Variants in YTHDF3 observed in about 807,000 individuals in gnomAD.
The protein encoded by YTHDF3 is YTH N6-methyladenosine RNA binding protein F3, also known as YTH domain-containing family protein 3.
Under a neutral mutation model 52.5 loss-of-function variants are expected in YTHDF3, and 9 were observed. The observed-to-expected ratio is 0.17, with a 90% CI of 0.10 to 0.30. The LOEUF (loss-of-function observed/expected upper bound fraction) is 0.30, where lower values mean the gene tolerates loss of function less well. Ranked by LOEUF, YTHDF3 falls within the 10% of genes least tolerant of loss-of-function variation. The pLI is 1.00. For synonymous variants in YTHDF3, 274 were observed against 243.3 expected (o/e 1.13, Z -1.18); for missense variants, 534 against 715.0 (o/e 0.75, Z 2.89).
chr8:63,173,002 G>A (rs1194592814), intron 2 of YTHDF3, among the ~76,000 whole-genome samples: 1 of 151,826 alleles, frequency 6.6e-6, no homozygotes, highest in African/African-American at 2.4e-5. Context: ...TTGCTTCTCG[G>A]TATATGTGAA....
intron 4 of YTHDF3, among the ~76,000 whole-genome samples, chr8:63,199,909 T>C (rs761075309): frequency 2.0e-5 from 3 of 152,182 alleles, no homozygotes; most frequent in Non-Finnish European, 4.4e-5. Context: ...GTAGGGATAG[T>C]GTTTGGTCTG....
chr8:63,187,642 A>G lies in YTHDF3; in HGVS notation c.1631A>G (p.Lys544Arg). ...DTQEVPLEKA[K>R]QVLKIIATFK... ...CAAGAGGTACCCCTAGAAAAAGCTA[A>G]GCAAGTGCTTAAAATAATTGCTACT... The change falls in exon 4 of 5, where the codon AAG (lysine) becomes AGG (arginine). Residue 544 changes from lysine (K) to arginine (R), a missense_variant. Lys to Arg is a conservative substitution (Grantham distance 26). Transcript: ENST00000539294. The G allele has an allele frequency of 2.5e-6, 4 of 1,611,350 alleles. No individual in the cohort carries two copies. Among genetic ancestry groups the G allele is most frequent in the Non-Finnish European group, 3.4e-6 (4 of 1,178,444 alleles).
chr8:63,181,047 T>G (rs1808101371), intron 3 of YTHDF3, among the ~76,000 whole-genome samples: 1 of 152,228 alleles, frequency 6.6e-6, no homozygotes. Flanking sequence ...CTAAATAGAT[T>G]GGAAAATTTA....
chr8:63,208,956 C>T (rs1810209608), intron 4 of YTHDF3, among the ~76,000 whole-genome samples: 1 of 152,178 alleles, frequency 6.6e-6, no homozygotes. Context: ...CAACCTCCAC[C>T]TCCTGGGTTC....
At chr8:63,169,955 C>CT (rs1289820110) in intron 2 of YTHDF3, among the ~76,000 whole-genome samples, 17 of 152,152 alleles carry the variant, frequency 1.1e-4, no homozygotes, top group Admixed American at 9.2e-4. Context: ...AGGTGTGACT[C>CT]TATCTGGTAT....
chr8:63,195,643 A>G (rs1255877341), intron 4 of YTHDF3, among the ~76,000 whole-genome samples: 1 of 152,216 alleles, frequency 6.6e-6, no homozygotes, highest in Non-Finnish European at 1.5e-5. Context: ...TAACAAAAAC[A>G]GATAAATATT....
At chr8:63,174,367 T>C (rs1284129551) in intron 2 of YTHDF3, among the ~76,000 whole-genome samples, 1 of 152,252 alleles carries the variant, frequency 6.6e-6, no homozygotes, top group Non-Finnish European at 1.5e-5. Flanking sequence ...TTGGATCTTG[T>C]AATATTTAAT....
chr8:63,198,725 A>G (rs1423313666), intron 4 of YTHDF3, among the ~76,000 whole-genome samples: 1 of 152,232 alleles, frequency 6.6e-6, no homozygotes, highest in Non-Finnish European at 1.5e-5. Flanking sequence ...ACTTATGACA[A>G]CAGCAAACAT....
chr8:63,204,182 C>G (rs1809830440), intron 4 of YTHDF3, among the ~76,000 whole-genome samples: 1 of 151,986 alleles, frequency 6.6e-6, no homozygotes, highest in Non-Finnish European at 1.5e-5. Flanking sequence ...TCTATCCTCT[C>G]ATTTTTTTTT....
chr8:63,179,364 G>A (rs897546203), intron 3 of YTHDF3, among the ~76,000 whole-genome samples: 7 of 152,078 alleles, frequency 4.6e-5, no homozygotes, highest in African/African-American at 1.7e-4. Context: ...AGGACCCTGC[G>A]GCCTTCCGCA....
chr8:63,195,951 G>A (rs1319536201), intron 4 of YTHDF3, among the ~76,000 whole-genome samples: 2 of 152,006 alleles, frequency 1.3e-5, no homozygotes, highest in East Asian at 1.9e-4. Context: ...ACAGGCATGC[G>A]CCACCATGCC....
At chr8:63,181,224 C>T (rs1223722021) in intron 3 of YTHDF3, among the ~76,000 whole-genome samples, 2 of 152,132 alleles carry the variant, frequency 1.3e-5, no homozygotes, top group Non-Finnish European at 2.9e-5. Flanking sequence ...TCATTTTCTG[C>T]CCTTGTCATC....
chr8:63,187,586 C>T lies in YTHDF3; in HGVS notation c.1575C>T (p.Asp525=). ...GGCATATTCGCTTAGAAAATAATGACAACAAACCGGTTACCAATTCAAGGG... is the reference window on the plus strand; with the variant it reads ...GGCATATTCGCTTAGAAAATAATGATAACAAACCGGTTACCAATTCAAGGG... The part of the protein sequence containing the change: ...QLRHIRLENN[D]NKPVTNSRDT... Residue 525 remains aspartate (D), a synonymous_variant, in exon 4 of 5, where the codon GAC becomes GAT. Transcript: ENST00000539294. 1 of 1,613,502 alleles carries T rather than the reference C, an allele frequency of 6.2e-7. No homozygotes were observed. Among genetic ancestry groups the T allele is most frequent in the Non-Finnish European group, 8.5e-7 (1 of 1,179,628 alleles).
chr8:63,187,087 A>C lies in YTHDF3; in HGVS notation c.1076A>C (p.Asn359Thr). 2 of 1,613,854 alleles carry C rather than the reference A, an allele frequency of 1.2e-6. No homozygotes were observed. The highest frequency in any genetic ancestry group is 8.5e-7 in the Non-Finnish European group (1 of 1,179,830). ...CAGAATCGCTGGGTAGCTCCTCGTA[A>C]CAGGGGAGCAGGCTTCAACCAGAAC... ...QLQNRWVAPR[N>T]RGAGFNQNNG... The change falls in exon 4 of 5, where the codon AAC (asparagine) becomes ACC (threonine). Residue 359 changes from asparagine to threonine, a missense_variant. Coordinates refer to ENST00000539294, the MANE Select transcript of YTHDF3 (RefSeq NM_152758.6).
In YTHDF3 at chr8:63,178,898, T is replaced by TA. The variant is rs1807880431; in HGVS notation, c.135+3483dup. Among the ~76,000 whole-genome samples the TA allele has an allele frequency of 2.0e-5, 3 of 152,230 alleles. No individual in the cohort carries two copies. The South Asian group carries it at 6.2e-4, about 31-fold the overall frequency. On this transcript the variant is annotated intron_variant, in intron 3 of 4. Coordinates refer to ENST00000539294, the MANE Select transcript of YTHDF3 (RefSeq NM_152758.6). Reference sequence around the variant, plus strand: ...TTATTGATGAAAGATCTCAAGAAGATACTGGCAAATTTAGAGTTACACAAC... The same window carrying TA: ...TTATTGATGAAAGATCTCAAGAAGATAACTGGCAAATTTAGAGTTACACAAC...
chr8:63,182,984 G>A (rs1266462173), intron 3 of YTHDF3, among the ~76,000 whole-genome samples: 1 of 138,980 alleles, frequency 7.2e-6, no homozygotes, highest in Admixed American at 7.7e-5. Context: ...TTTTGAGACA[G>A]TCTCGCTTGT....
chr8:63,180,065 CG>C (rs1807999936), intron 3 of YTHDF3, among the ~76,000 whole-genome samples: 1 of 144,438 alleles, frequency 6.9e-6, no homozygotes, highest in Non-Finnish European at 1.5e-5. Flanking sequence ...GCTGGCTGGG[CG>C]GGGGGCTGAC....
intron 3 of YTHDF3, among the ~76,000 whole-genome samples, chr8:63,179,882 G>A (rs963338030): frequency 2.0e-5 from 3 of 151,100 alleles, no homozygotes; most frequent in African/African-American, 7.3e-5. Context: ...TGGGGCGGCC[G>A]GCCAGGCAGA....
In YTHDF3 at chr8:63,174,466, C is replaced by A. The variant is rs114411610; in HGVS notation, c.50-865C>A. Among the ~76,000 whole-genome samples, 1,219 of 152,214 alleles carry A rather than the reference C, an allele frequency of 8.0e-3. 24 individuals are homozygous for A. Among genetic ancestry groups the A allele is most frequent in the African/African-American group, 0.028 (1,174 of 41,520 alleles). ...ATTCATACATAACCTTCTGAAACAG[C>A]GAACAGTCAAAGGTTAGAGAGTTTA... On this transcript the variant is annotated intron_variant, in intron 2 of 4. Transcript: ENST00000539294.
Sources: gnomAD v4.1 joint callset for allele counts (sites outside exome capture counted in the v4.1 genomes callset) on GRCh38, gnomAD v4.1.1 for gene constraint, MANE v1.5 for transcripts, NCBI Gene and HGNC (gene_info 2026-07-23, HGNC 2026-07-21) for gene names.